The following CPA6 variants were observed in gnomAD, a reference collection of about 807,000 sequenced individuals.
CPA6 encodes the protein carboxypeptidase B.
CPA6 carries 58 observed loss-of-function variants against 63.3 expected under a neutral mutation model. The observed-to-expected ratio is 0.92, with a 90% CI of 0.74 to 1.14. CPA6 has a LOEUF of 1.14. Ranked by LOEUF, CPA6 falls within the 50% of genes most tolerant of loss-of-function variation. The probability of loss-of-function intolerance (pLI) is 0.00; values close to 1 mark genes in which losing one functional copy is unlikely to be tolerated. For synonymous variants in CPA6, 185 were observed against 179.0 expected, an observed-to-expected ratio of 1.03 and a Z score of -0.27; for missense variants, 565 against 526.6, an observed-to-expected ratio of 1.07 and a Z score of -0.71.
chr8:67,667,495 C>T (rs868410757), intron 1 of CPA6, among the ~76,000 whole-genome samples: 9 of 151,874 alleles, frequency 5.9e-5, no homozygotes, highest in Admixed American at 2.6e-4. Flanking sequence ...TCAACTTCCC[C>T]GCTAAAAGTT....
At chr8:67,704,121 A>G (rs1211800401) in intron 1 of CPA6, among the ~76,000 whole-genome samples, 1 of 152,178 alleles carries the variant, frequency 6.6e-6, no homozygotes, top group Non-Finnish European at 1.5e-5. Context: ...TTTGCAAACA[A>G]ATGAAGGCTT....
chr8:67,738,763 T>C (rs1256596322), intron 1 of CPA6, among the ~76,000 whole-genome samples: 5 of 47,992 alleles, frequency 1.0e-4, no homozygotes, highest in Non-Finnish European at 2.0e-4. Context: ...GTATTACGCA[T>C]TAAAGCACTG....
intron 2 of CPA6, among the ~76,000 whole-genome samples, chr8:67,546,529 C>T (rs1218077615): frequency 6.6e-6 from 1 of 152,202 alleles, no homozygotes; most frequent in East Asian, 1.9e-4. Context: ...GCACTTTCAA[C>T]ATCGCATGTA....
chr8:67,644,365 G>A (rs950458605), intron 1 of CPA6, among the ~76,000 whole-genome samples: 3 of 152,146 alleles, frequency 2.0e-5, no homozygotes, highest in Admixed American at 1.3e-4. Flanking sequence ...TGATCCGCCC[G>A]CCTCGGCCTC....
chr8:67,506,689 G>T, intron 6 of CPA6, 98 bp downstream of exon 6: 1 of 755,014 alleles, frequency 1.3e-6, no homozygotes, highest in Non-Finnish European at 2.4e-6. Context: ...ATTCAATCAG[G>T]TATCATTGGT....
At chr8:67,470,842 A>T (rs978073732) in intron 8 of CPA6, among the ~76,000 whole-genome samples, 1 of 152,182 alleles carries the variant, frequency 6.6e-6, no homozygotes, top group Non-Finnish European at 1.5e-5. Flanking sequence ...ATATTCTTAG[A>T]TTAGGCTTTT....
chr8:67,654,491 A>T (rs1815934575), intron 1 of CPA6, among the ~76,000 whole-genome samples: 1 of 152,062 alleles, frequency 6.6e-6, no homozygotes, highest in Admixed American at 6.6e-5. Flanking sequence ...TGTGTTGAGG[A>T]ATTTACCCAT....
At position 67,699,884 on chromosome 8, in the gene CPA6, C is replaced by T. The variant is rs191760052; in HGVS notation, c.116+46130G>A. 3.3e-5 allele frequency among the ~76,000 whole-genome samples: 5 copies of T among 152,232 alleles called. No homozygotes were observed. The East Asian group carries it at 5.8e-4, about 18-fold the overall frequency. On this transcript the variant is annotated intron_variant, in intron 1 of 10. Transcript: ENST00000297770. The stretch of plus-strand genomic sequence containing the variant: ...GATTACAGGCGTGAGCCACCACGCC[C>T]GGCCATGGTTTATATTCTTAACTGA...
intron 9 of CPA6, among the ~76,000 whole-genome samples, chr8:67,433,159 C>T (rs1466323199): frequency 2.6e-5 from 4 of 152,152 alleles, no homozygotes; most frequent in South Asian, 4.1e-4. Context: ...GCTCAACAAA[C>T]GATCACAAAT....
At chr8:67,707,493 C>T (rs1325599734) in intron 1 of CPA6, among the ~76,000 whole-genome samples, 2 of 152,224 alleles carry the variant, frequency 1.3e-5, no homozygotes, top group African/African-American at 2.4e-5. Context: ...GTATTCTTAA[C>T]TTATGGCAAT....
chr8:67,438,830 A>G (rs1810222735), intron 8 of CPA6, among the ~76,000 whole-genome samples: 1 of 152,196 alleles, frequency 6.6e-6, no homozygotes. Context: ...TATTTTGAAA[A>G]GGAGATATAG....
intron 1 of CPA6, among the ~76,000 whole-genome samples, chr8:67,659,492 A>G (rs1012806390): frequency 1.3e-5 from 2 of 152,234 alleles, no homozygotes; most frequent in African/African-American, 4.8e-5. Flanking sequence ...ACTAATTATA[A>G]CATTGGCTGC....
rs1587457789 is a variant in CPA6 at position 67,467,191 on chromosome 8, C to A, written c.838+16577G>T. On this transcript the variant is annotated intron_variant, in intron 8 of 10. Transcript: ENST00000297770. The stretch of plus-strand genomic sequence containing the variant: ...AACAGAATGTTTAGAACGAAGGGTA[C>A]AAACAGGCTCAAGGTTCTGCCTCGA... Among the ~76,000 whole-genome samples, 6 of 152,240 alleles carry A rather than the reference C, an allele frequency of 3.9e-5. 1 individual carries two copies. Among genetic ancestry groups the A allele is most frequent in the Admixed American group, 3.9e-4 (6 of 15,296 alleles).
chr8:67,509,483 A>G (rs776968655), intron 5 of CPA6, 34 bp downstream of exon 5: 5 of 979,622 alleles, frequency 5.1e-6, no homozygotes, highest in South Asian at 1.4e-5. Context: ...TTTGGTAAAC[A>G]TTATGTATTT....
intron 2 of CPA6, among the ~76,000 whole-genome samples, chr8:67,615,621 C>A (rs952705020): frequency 6.6e-6 from 1 of 152,178 alleles, no homozygotes; most frequent in African/African-American, 2.4e-5. Context: ...TGCACATAAG[C>A]CTTTCAGTAC....
chr8:67,455,554 G>A (rs1013858963), intron 8 of CPA6, among the ~76,000 whole-genome samples: 3 of 147,522 alleles, frequency 2.0e-5, no homozygotes, highest in Admixed American at 7.0e-5. Flanking sequence ...AGGGTGTGTA[G>A]CATAGAAAAA....
At chr8:67,659,670 A>G (rs1244333178) in intron 1 of CPA6, among the ~76,000 whole-genome samples, 3 of 152,234 alleles carry the variant, frequency 2.0e-5, no homozygotes, top group Non-Finnish European at 4.4e-5. Context: ...TCACATTTGC[A>G]AAACTGCCCT....
chr8:67,663,681 A>G (rs1273840473), intron 1 of CPA6, among the ~76,000 whole-genome samples: 1 of 152,076 alleles, frequency 6.6e-6, no homozygotes. Context: ...CTCCATCAAT[A>G]TTCTTGCAAA....
At chr8:67,531,414 A>T (rs1812475549) in intron 2 of CPA6, among the ~76,000 whole-genome samples, 1 of 152,188 alleles carries the variant, frequency 6.6e-6, no homozygotes, top group Non-Finnish European at 1.5e-5. Context: ...ATAATGAAAA[A>T]ATATAAATCA....
Sources: allele counts gnomAD v4.1 joint callset (sites outside exome capture counted in the v4.1 genomes callset), GRCh38; gene constraint gnomAD v4.1.1; transcripts MANE v1.5; gene names NCBI Gene and HGNC (gene_info 2026-07-23, HGNC 2026-07-21).